Variants in ATP7A observed in about 807,000 individuals in gnomAD.
ATP7A encodes the protein ATPase copper transporting alpha.
In ATP7A, 7 loss-of-function variants were observed where a neutral mutation model predicts 83.5. That is an observed-to-expected ratio of 0.08 (90% CI 0.05 to 0.16). ATP7A has a LOEUF of 0.16. Among genes scored for constraint, ATP7A ranks in the 10% least tolerant of loss-of-function variants. ATP7A has a pLI of 1.00. For missense variants in ATP7A, 940 were observed against 1,120.8 expected (o/e 0.84, Z 2.30); for synonymous variants, 354 against 395.2 (o/e 0.90, Z 1.24).
rs1010367580 is a variant in ATP7A, at chrX:78,035,050, C to T, written c.3511+1229C>T. ...TGAGCCACTGCACCCCTGGCTGTTC[C>T]TTTTAATTGTCCTTTGGTTCCTCAT... On this transcript the variant is annotated intron_variant, in intron 17 of 22. Transcript: ENST00000341514. 9.0e-5 allele frequency among the ~76,000 whole-genome samples: 10 copies of T among 111,571 alleles called. 1 individual carries two copies. The highest frequency in any genetic ancestry group is 3.3e-5 in the African/African-American group (1 of 30,709).
intron 1 of ATP7A, among the ~76,000 whole-genome samples, chrX:77,955,764 G>A (rs1175742586): frequency 1.8e-5 from 2 of 110,247 alleles, no homozygotes. Flanking sequence ...ATCTAAATGT[G>A]ACCTTGTAGC....
intron 18 of ATP7A, 74 bp downstream of exon 18, chrX:78,039,056 C>A: frequency 9.3e-7 from 1 of 1,071,557 alleles, no homozygotes; most frequent in Admixed American, 2.3e-5. Context: ...TTTTGAGAGA[C>A]CTCTGAACTA....
intron 1 of ATP7A, among the ~76,000 whole-genome samples, chrX:77,959,590 C>T (rs2077464233): frequency 8.9e-6 from 1 of 112,219 alleles, no homozygotes; most frequent in African/African-American, 3.2e-5. Context: ...AAAAGTGTCT[C>T]CAGACATTTT....
At position 78,042,786 on chromosome X, in the gene ATP7A, A is replaced by G. The variant is rs1557238604; in HGVS notation, c.4003A>G (p.Arg1335Gly). The G allele has an allele frequency of 8.3e-7, 1 of 1,211,056 alleles. No individual in the cohort carries two copies. The highest frequency in any genetic ancestry group is 1.7e-5 in the African/African-American group (1 of 57,821). Residue 1335 changes from arginine (R) to glycine (G), a missense_variant and splice_region_variant, in exon 20 of 23, where the codon AGG (arginine) becomes GGG (glycine). Arg to Gly is a moderately radical substitution (Grantham distance 125, BLOSUM62 -2). Around this residue, in one of 3 missense-constraint regions of ATP7A, gnomAD observed 386 missense variants for 502.2 expected, o/e 0.77. Coordinates refer to ENST00000341514, the MANE Select transcript of ATP7A (RefSeq NM_000052.7). The part of the protein sequence containing the change: ...AIEAADVVLI[R>G]NDLLDVVASI... ...TGAAGCAGCTGATGTGGTTTTGATA[A>G]GGGTAAGTGCCATGGCTTGACCTTT... is the stretch of plus-strand genomic sequence containing the variant.
intron 1 of ATP7A, among the ~76,000 whole-genome samples, chrX:77,920,382 AT>A (rs1427353056): frequency 7.3e-5 from 8 of 108,880 alleles, no homozygotes; most frequent in Non-Finnish European, 1.3e-4. Context: ...CGCCTGGCTA[AT>A]TTTTTTTGTA....
intron 1 of ATP7A, among the ~76,000 whole-genome samples, chrX:77,918,923 C>T (rs1463082729): frequency 9.0e-6 from 1 of 111,234 alleles, no homozygotes; most frequent in African/African-American, 3.3e-5. Context: ...CTTTGCCTCC[C>T]ACTTGAAGGC....
chrX:78,039,657 A>G (rs1346543779), intron 18 of ATP7A, among the ~76,000 whole-genome samples: 1 of 112,082 alleles, frequency 8.9e-6, no homozygotes, highest in Non-Finnish European at 1.9e-5. Flanking sequence ...TTAATTTTGT[A>G]TATTCCATTC....
intron 1 of ATP7A, among the ~76,000 whole-genome samples, chrX:77,919,311 C>T (rs2077199543): frequency 9.0e-6 from 1 of 111,197 alleles, no homozygotes; most frequent in Non-Finnish European, 1.9e-5. Flanking sequence ...TCTACCCAGA[C>T]ACCTAAGAGC....
At chrX:77,963,240 G>A (rs1171486486) in intron 1 of ATP7A, 1 of 119,984 alleles carries the variant, frequency 8.3e-6, no homozygotes, top group African/African-American at 3.2e-5. Context: ...TGCCAAGCAT[G>A]GCAGAATTAG....
chrX:78,005,195 T>C (rs782518038), intron 6 of ATP7A, among the ~76,000 whole-genome samples: 1 of 111,938 alleles, frequency 8.9e-6, no homozygotes, highest in African/African-American at 3.2e-5. Flanking sequence ...AGAAGAATTG[T>C]ACAGTAGATA....
At chrX:78,039,214 T>A (rs1291035431) in intron 18 of ATP7A, among the ~76,000 whole-genome samples, 1 of 112,304 alleles carries the variant, frequency 8.9e-6, no homozygotes, top group African/African-American at 3.2e-5. Context: ...AATCAAGGAT[T>A]TTTTAAAACC....
At chrX:78,008,843 T>C (rs1434508509) in intron 6 of ATP7A, among the ~76,000 whole-genome samples, 5 of 108,888 alleles carry the variant, frequency 4.6e-5, no homozygotes, top group Non-Finnish European at 9.5e-5. Context: ...TGAAACCCCC[T>C]GTCTCTACAA....
At chrX:78,011,947 AT>A (rs373689911) in intron 9 of ATP7A, among the ~76,000 whole-genome samples, 109 of 99,697 alleles carry the variant, frequency 1.1e-3, no homozygotes, top group Admixed American at 1.4e-3. Context: ...TTATTTATCT[AT>A]TTTTTTTTTT....
chrX:77,941,457 G>A (rs2077350932), intron 1 of ATP7A, among the ~76,000 whole-genome samples: 1 of 110,635 alleles, frequency 9.0e-6, no homozygotes, highest in Non-Finnish European at 1.9e-5. Flanking sequence ...GCCCAGGCTG[G>A]TCTTGAACTC....
At chrX:78,041,417 A>G (rs2078047531) in intron 19 of ATP7A, among the ~76,000 whole-genome samples, 1 of 109,348 alleles carries the variant, frequency 9.1e-6, no homozygotes, top group Non-Finnish European at 1.9e-5. Flanking sequence ...CTAGGATTAC[A>G]TGCATACACC....
chrX:78,014,954 A>G (rs190495876), intron 11 of ATP7A, among the ~76,000 whole-genome samples: 52 of 112,055 alleles, frequency 4.6e-4, no homozygotes, highest in African/African-American at 1.7e-3. Context: ...AATTTCAGTC[A>G]TATTGTTTTA....
At chrX:77,962,435 CT>C (rs1481754562) in intron 1 of ATP7A, 7 of 217,794 alleles carry the variant, frequency 3.2e-5, no homozygotes, top group Non-Finnish European at 1.7e-5. Context: ...GTGGAGTGTA[CT>C]TTCATTTTCA....
At chrX:77,916,035 G>A (rs1026604253) in intron 1 of ATP7A, among the ~76,000 whole-genome samples, 1 of 111,263 alleles carries the variant, frequency 9.0e-6, no homozygotes, top group South Asian at 3.7e-4. Context: ...CACCACGCCC[G>A]GCACAATACT....
At chrX:78,037,980 GTTTTTTT>G (rs782643561) in intron 17 of ATP7A, among the ~76,000 whole-genome samples, 6 of 51,200 alleles carry the variant, frequency 1.2e-4, no homozygotes, top group Non-Finnish European at 9.6e-5. Context: ...ATCAAGAAAG[GTTTTTTT>G]TTTTTTTTTT....
Sources: allele counts gnomAD v4.1 joint callset (sites outside exome capture counted in the v4.1 genomes callset), GRCh38; gene constraint gnomAD v4.1.1; regional missense constraint gnomAD v4.1.1; transcripts MANE v1.5; gene names NCBI Gene and HGNC (gene_info 2026-07-23, HGNC 2026-07-21).